Variants in LINC00632 observed in about 807,000 individuals in gnomAD.
The protein encoded by LINC00632 is long independently transcribed non-coding RNA 632, also known as ALDOA related specific transcript.
intron 3 of LINC00632, among the ~76,000 whole-genome samples, chrX:140,739,513 C>T (rs753546200): frequency 9.0e-6 from 1 of 111,081 alleles, no homozygotes; most frequent in Admixed American, 9.7e-5. Context: ...AAGCCGCCAC[C>T]CCCATCCACA....
chrX:140,790,241 A>ATAAG (rs1932087327), exon 5 of LINC00632, among the ~76,000 whole-genome samples: 1 of 110,447 alleles, frequency 9.1e-6, no homozygotes, highest in Non-Finnish European at 1.9e-5. Flanking sequence ...CTTTTCTTTT[A>ATAAG]TAAGTGTTTC....
At chrX:140,784,076 C>T (rs1931979431) in exon 5 of LINC00632, 4 of 1,210,978 alleles carry the variant, frequency 3.3e-6, no homozygotes, top group Non-Finnish European at 4.5e-6. Flanking sequence ...CCAGCAAGTC[C>T]ACGTCTTCCA....
intron 1 of LINC00632, among the ~76,000 whole-genome samples, chrX:140,710,446 T>C (rs1406863398): frequency 9.0e-6 from 1 of 111,342 alleles, no homozygotes; most frequent in African/African-American, 3.3e-5. Flanking sequence ...AATATTATGA[T>C]CGTGCTTTCA....
chrX:140,753,435 C>T (rs1460323859), intron 3 of LINC00632, among the ~76,000 whole-genome samples: 1 of 111,178 alleles, frequency 9.0e-6, no homozygotes, highest in Non-Finnish European at 1.9e-5. Flanking sequence ...GAAGTAACAG[C>T]CATATACTTT....
chrX:140,725,202 AAC>A (rs1491168102), intron 2 of LINC00632, among the ~76,000 whole-genome samples: 2 of 12,156 alleles, frequency 1.6e-4, no homozygotes, highest in African/African-American at 6.3e-4. Context: ...TACACACACA[AAC>A]ACATTCCGTA....
At chrX:140,710,298 T>G (rs892658342) in intron 1 of LINC00632, among the ~76,000 whole-genome samples, 1 of 111,927 alleles carries the variant, frequency 8.9e-6, no homozygotes, top group East Asian at 2.8e-4. Context: ...GGGATGTCTG[T>G]ACTAGAGAGA....
At chrX:140,741,280 G>T (rs899545471) in intron 3 of LINC00632, among the ~76,000 whole-genome samples, 6 of 112,062 alleles carry the variant, frequency 5.4e-5, no homozygotes, top group African/African-American at 1.9e-4. Context: ...GGGCTCTAGG[G>T]ATCTGAATTA....
intron 3 of LINC00632, among the ~76,000 whole-genome samples, chrX:140,771,612 TACACACACACACACAC>T (rs77229499): frequency 3.8e-5 from 3 of 79,720 alleles, no homozygotes; most frequent in African/African-American, 9.4e-5. Flanking sequence ...TTGGCATATA[TACACACACACACACAC>T]ACACACACAC....
intron 2 of LINC00632, among the ~76,000 whole-genome samples, chrX:140,730,537 C>T (rs762188115): frequency 9.1e-6 from 1 of 110,109 alleles, no homozygotes; most frequent in African/African-American, 3.3e-5. Context: ...CCAGAACACT[C>T]AGGCTTGCCT....
intron 2 of LINC00632, chrX:140,712,122 C>T (rs986998763): frequency 9.1e-6 from 1 of 110,455 alleles, no homozygotes; most frequent in African/African-American, 3.3e-5. Context: ...TGCAATGGTA[C>T]TCCTACCTTC....
chrX:140,777,501 TAGAA>T (rs1340648633), exon 5 of LINC00632, among the ~76,000 whole-genome samples: 15 of 112,362 alleles, frequency 1.3e-4, no homozygotes, highest in Admixed American at 1.3e-3. Context: ...AGAGTAATGA[TAGAA>T]AGCGTTGAAA....
chrX:140,742,874 A>AAG (rs397943408), intron 3 of LINC00632, among the ~76,000 whole-genome samples: 1 of 94,604 alleles, frequency 1.1e-5, no homozygotes, highest in African/African-American at 4.1e-5. Flanking sequence ...AGAGAGAGAG[A>AAG]GAGAGGAAGG....
At chrX:140,766,973 G>T in intron 3 of LINC00632, among the ~76,000 whole-genome samples, 1 of 111,685 alleles carries the variant, frequency 9.0e-6, no homozygotes, top group South Asian at 3.7e-4. Context: ...ATTTTAAGAT[G>T]GTTTTTGCTC....
intron 2 of LINC00632, chrX:140,713,930 A>G (rs1348952614): frequency 7.4e-6 from 2 of 270,711 alleles, no homozygotes; most frequent in East Asian, 1.0e-4. Flanking sequence ...CACACAGCAT[A>G]CAGACTTACC....
exon 5 of LINC00632, among the ~76,000 whole-genome samples, chrX:140,788,769 ATATATGTGTATATATG>A (rs1028503909): frequency 3.7e-5 from 4 of 106,834 alleles, no homozygotes; most frequent in African/African-American, 1.4e-4. Flanking sequence ...ATATATACAC[ATATATGTGTATATATG>A]TATATTCCAT....
At chrX:140,786,254 C>T (rs937564957) in exon 5 of LINC00632, among the ~76,000 whole-genome samples, 3 of 112,055 alleles carry the variant, frequency 2.7e-5, no homozygotes, top group Non-Finnish European at 5.6e-5. Flanking sequence ...ATTCATTCAA[C>T]AAATATTTAT....
At chrX:140,742,576 C>A (rs1931240778) in intron 3 of LINC00632, among the ~76,000 whole-genome samples, 1 of 110,466 alleles carries the variant, frequency 9.1e-6, no homozygotes, top group African/African-American at 3.3e-5. Context: ...CTATATTTTG[C>A]CCTACTGAAA....
chrX:140,769,462 GT>G (rs1391519308), intron 3 of LINC00632, among the ~76,000 whole-genome samples: 1 of 109,556 alleles, frequency 9.1e-6, no homozygotes, highest in Non-Finnish European at 1.9e-5. Flanking sequence ...ATAAAATTCG[GT>G]TTTTTCTCCA....
exon 5 of LINC00632, chrX:140,783,396 TG>T: frequency 2.1e-6 from 1 of 473,024 alleles, no homozygotes; most frequent in Non-Finnish European, 3.6e-6. Flanking sequence ...CAGCAATTAC[TG>T]GTCTTCCACC....
Sources: allele counts gnomAD v4.1 joint callset (sites outside exome capture counted in the v4.1 genomes callset), GRCh38; gene constraint gnomAD v4.1.1; transcripts MANE v1.5; gene names NCBI Gene and HGNC (gene_info 2026-07-23, HGNC 2026-07-21).